PPL: variants seen among roughly 807,000 people sequenced by gnomAD.
PPL encodes periplakin.
PPL carries 198 observed loss-of-function variants against 194.4 expected under a neutral mutation model. The observed-to-expected ratio is 1.02, with a 90% CI of 0.91 to 1.15. The LOEUF (loss-of-function observed/expected upper bound fraction) is 1.15, where lower values mean the gene tolerates loss of function less well. Ranked by LOEUF, PPL falls within the 50% of genes most tolerant of loss-of-function variation. The probability of loss-of-function intolerance (pLI) is 0.00; values close to 1 mark genes in which losing one functional copy is unlikely to be tolerated. For synonymous variants in PPL, 1,220 were observed against 972.4 expected, an observed-to-expected ratio of 1.25 and a Z score of -4.74; for missense variants, 2,885 against 2,294.8, an observed-to-expected ratio of 1.26 and a Z score of -5.25.
intron 14 of PPL, chr16:4,892,655 C>T (rs2088342594): frequency 5.9e-6 from 1 of 168,604 alleles, no homozygotes; most frequent in Non-Finnish European, 1.3e-5. Flanking sequence ...CACTCTGAGG[C>T]CCCATCAGGG....
Position 4,903,982 on chromosome 16 carries a change from T to C in PPL, c.221A>G (p.Lys74Arg). 1 of 1,613,790 alleles carries C rather than the reference T, an allele frequency of 6.2e-7. No individual in the cohort carries two copies. The highest frequency in any genetic ancestry group is 8.5e-7 in the Non-Finnish European group (1 of 1,180,036). Residue 74 changes from lysine to arginine, a missense_variant, in exon 3 of 22, where the codon AAG becomes AGG. Physicochemically the swap from Lys to Arg is conservative, Grantham distance 26. Coordinates refer to ENST00000345988, the MANE Select transcript of PPL (RefSeq NM_002705.5). ...GAGCAGCTTCTCAGAGTCCAACACC[T>C]TCTGCAGGGTCACGTCCCGGTGCTC... ...QPEHRDVTLQ[K>R]VLDSEKLLYV...
intron 9 of PPL, among the ~76,000 whole-genome samples, chr16:4,897,283 C>A (rs537973740): frequency 1.7e-4 from 22 of 132,202 alleles, no homozygotes; most frequent in African/African-American, 6.6e-4. Flanking sequence ...TGTAGTGAGC[C>A]GAGATGGCAC....
rs2088170703 is a variant in PPL, at chr16:4,884,396, A to G, written c.4259T>C (p.Val1420Ala). ...RQARREAERE[V>A]QRLQQRLAAL... ...TGCCAGCCGCTGCTGCAACCGCTGT[A>G]CCTCGCGCTCGGCCTCCCTGCGGGC... The change falls in exon 22 of 22, where the codon GTA becomes GCA. Residue 1420 changes from valine (V) to alanine (A), a missense_variant. By Grantham distance (64) the Val-to-Ala change is moderately conservative. Transcript: ENST00000345988. The surrounding 1 kb of genome is among the most constrained non-coding windows in gnomAD (Gnocchi z 5.7). 6.2e-7 allele frequency: 1 copy of G among 1,609,182 alleles called. No individual in the cohort carries two copies. The highest frequency in any genetic ancestry group is 8.5e-7 in the Non-Finnish European group (1 of 1,179,176).
At chr16:4,913,626 T>C (rs74003581) in intron 1 of PPL, among the ~76,000 whole-genome samples, 2,677 of 152,290 alleles carry the variant, frequency 0.018, 77 homozygotes, top group African/African-American at 0.062. Flanking sequence ...CAACCTCCAC[T>C]TCTTGGGGTC....
At chr16:4,930,795 G>A (rs1470071057) in intron 1 of PPL, among the ~76,000 whole-genome samples, 1 of 152,246 alleles carries the variant, frequency 6.6e-6, no homozygotes, top group African/African-American at 2.4e-5. Context: ...GAATGGCAGA[G>A]GGAAAGGCCT....
In PPL at chr16:4,884,822, G is replaced by T; in HGVS notation, c.3833C>A (p.Ala1278Asp). 1.2e-6 allele frequency: 2 copies of T among 1,614,076 alleles called. No individual in the cohort carries two copies. Among genetic ancestry groups the T allele is most frequent in the South Asian group, 1.1e-5 (1 of 91,086 alleles). ...GACCTGGGGTTTGGTGTCTTTCAGG[G>T]CCTGGATTTCCTTTTTCAGCTGGTA... ...EIYQLKKEIQ[A>D]LKDTKPQVQT... The change falls in exon 22 of 22, where the codon GCC becomes GAC. Residue 1278 changes from alanine (A) to aspartate (D), a missense_variant. By Grantham distance (126) the Ala-to-Asp change is moderately radical. Transcript: ENST00000345988. The surrounding 1 kb of genome is among the most constrained non-coding windows in gnomAD (Gnocchi z 5.7).
chr16:4,884,796 G>T lies in PPL; in HGVS notation c.3859C>A (p.Gln1287Lys). 6.2e-7 allele frequency: 1 copy of T among 1,614,132 alleles called. No individual in the cohort carries two copies. Among genetic ancestry groups the T allele is most frequent in the Non-Finnish European group, 8.5e-7 (1 of 1,180,040 alleles). ...QALKDTKPQVQTKEVVQEILQ... is the reference protein window; with the variant it reads ...QALKDTKPQVKTKEVVQEILQ... Reference sequence around the variant, plus strand: ...ATCTCCTGGACCACCTCTTTGGTCTGGACCTGGGGTTTGGTGTCTTTCAGG... The same window carrying T: ...ATCTCCTGGACCACCTCTTTGGTCTTGACCTGGGGTTTGGTGTCTTTCAGG... Residue 1287 changes from glutamine (Q) to lysine (K), a missense_variant, in exon 22 of 22, where the codon CAG (glutamine) becomes AAG (lysine). Coordinates refer to ENST00000345988, the MANE Select transcript of PPL (RefSeq NM_002705.5). The surrounding 1 kb of genome is among the most constrained non-coding windows in gnomAD (Gnocchi z 5.7).
chr16:4,900,715 C>A, intron 6 of PPL, 115 bp downstream of exon 6: 7 of 1,431,856 alleles, frequency 4.9e-6, no homozygotes, highest in South Asian at 1.2e-5. Context: ...TAGGCGTGAG[C>A]CACCATGCCC....
At chr16:4,924,732 CT>C (rs1397428945) in intron 1 of PPL, among the ~76,000 whole-genome samples, 1 of 152,210 alleles carries the variant, frequency 6.6e-6, no homozygotes, top group Non-Finnish European at 1.5e-5. Context: ...GCAAGACACC[CT>C]TCCCCAGGTC....
At chr16:4,935,607 A>G (rs887852) in intron 1 of PPL, among the ~76,000 whole-genome samples, 84,503 of 152,014 alleles carry the variant, frequency 0.56, 26,899 homozygotes, top group Non-Finnish European at 0.69. Context: ...AAAGGCGGGT[A>G]ATGCCTCTGA....
At chr16:4,908,479 C>T (rs1256233038) in intron 2 of PPL, among the ~76,000 whole-genome samples, 1 of 151,748 alleles carries the variant, frequency 6.6e-6, no homozygotes, top group African/African-American at 2.4e-5. Flanking sequence ...CAGATATACA[C>T]CAATATGTTA....
rs1165970203 is a variant in PPL at position 4,890,299 on chromosome 16, T to C, written c.2198A>G (p.Glu733Gly). 3 of 1,613,908 alleles carry C rather than the reference T, an allele frequency of 1.9e-6. No homozygotes were observed. Among genetic ancestry groups the C allele is most frequent in the South Asian group, 2.2e-5 (2 of 91,080 alleles). ...QSLQSAKAAY[E>G]HFHRGHDHVL... The stretch of plus-strand genomic sequence containing the variant: ...GTGGTCATGGCCGCGGTGGAAGTGC[T>C]CGTAGGCTGCCTTGGCGCTCTGTAG... The change falls in exon 18 of 22, where the codon GAG becomes GGG. Residue 733 changes from glutamate to glycine, a missense_variant. Physicochemically the swap from Glu to Gly is moderately conservative, Grantham distance 98 (BLOSUM62 -2). Coordinates refer to ENST00000345988, the MANE Select transcript of PPL (RefSeq NM_002705.5).
chr16:4,889,070 C>CA lies in PPL; in HGVS notation c.2314-10dup, dbSNP rs746773940. 1 of 1,612,396 alleles carries CA rather than the reference C, an allele frequency of 6.2e-7. No homozygotes were observed. Among genetic ancestry groups the CA allele is most frequent in the African/African-American group, 1.3e-5 (1 of 74,826 alleles). ...ATCTCATCTAGCAGGTTCTGTAAGACAGAGTTTAAAAATCAAAACTAACCA... is the reference window on the plus strand; with the variant it reads ...ATCTCATCTAGCAGGTTCTGTAAGACAAGAGTTTAAAAATCAAAACTAACCA... On this transcript the variant is annotated splice_polypyrimidine_tract_variant and intron_variant, in intron 18 of 21. Coordinates refer to ENST00000345988, the MANE Select transcript of PPL (RefSeq NM_002705.5).
intron 14 of PPL, 56 bp downstream of exon 14, chr16:4,893,157 C>G (rs1486349244): frequency 1.4e-6 from 2 of 1,450,284 alleles, no homozygotes; most frequent in East Asian, 5.0e-5. Context: ...ATAGGGGCCC[C>G]AGGGGGCCAG....
chr16:4,885,660 G>A lies in PPL; in HGVS notation c.2995C>T (p.Arg999Cys), dbSNP rs770248656. 9.9e-6 allele frequency: 16 copies of A among 1,612,856 alleles called. No individual in the cohort carries two copies. The highest frequency in any genetic ancestry group is 6.7e-5 in the East Asian group (3 of 44,682). ...GCCTGGGCCCTGTCAGGCTCGATGC[G>A]CAGGACCTCCTTGACCACGTACTCC... ...GQEYVVKEVL[R>C]IEPDRAQADE... The change falls in exon 22 of 22, where the codon CGC becomes TGC. Residue 999 changes from arginine to cysteine, a missense_variant. Physicochemically the swap from Arg to Cys is radical, Grantham distance 180 (BLOSUM62 -3). Coordinates refer to ENST00000345988, the MANE Select transcript of PPL (RefSeq NM_002705.5). This position sits in a 1 kb window ranked among gnomAD's most constrained non-coding sequence, Gnocchi z 6.3.
intron 19 of PPL, 63 bp from the exon 20 acceptor site, chr16:4,888,281 C>T (rs1803672448): frequency 2.6e-6 from 3 of 1,170,408 alleles, no homozygotes; most frequent in South Asian, 1.2e-5. Flanking sequence ...CAGACATGTT[C>T]CTGTACCCCT....
In PPL at chr16:4,903,968, C is replaced by T. The variant is rs776592837; in HGVS notation, c.235G>A (p.Glu79Lys). 27 of 1,613,858 alleles carry T rather than the reference C, an allele frequency of 1.7e-5. No individual in the cohort carries two copies. In the South Asian group the frequency reaches 2.9e-4, roughly 17 times the overall value. ...GCCTCTAGCACATAGAGCAGCTTCTCAGAGTCCAACACCTTCTGCAGGGTC... is the reference window on the plus strand; with the variant it reads ...GCCTCTAGCACATAGAGCAGCTTCTTAGAGTCCAACACCTTCTGCAGGGTC... ...DVTLQKVLDS[E>K]KLLYVLEADA... The change falls in exon 3 of 22, where the codon GAG becomes AAG. Residue 79 changes from glutamate (E) to lysine (K), a missense_variant. Coordinates refer to ENST00000345988, the MANE Select transcript of PPL (RefSeq NM_002705.5).
In PPL at chr16:4,894,523, C is replaced by T. The variant is rs141007351; in HGVS notation, c.1338G>A (p.Pro446=). 172 of 1,613,954 alleles carry T rather than the reference C, an allele frequency of 1.1e-4. No homozygotes were observed. Among genetic ancestry groups the T allele is most frequent in the Admixed American group, 3.2e-4 (19 of 60,010 alleles). The part of the protein sequence containing the change: ...MDSAGNKLIA[P]AVCFVIPPTD... The stretch of plus-strand genomic sequence containing the variant: ...TGGGGGGGATCACAAAACACACGGC[C>T]GGAGCAATCAGCTTGTTCCCAGCGC... Residue 446 remains proline, a synonymous_variant, in exon 12 of 22, where the codon CCG becomes CCA. Transcript: ENST00000345988.
At chr16:4,917,302 G>A (rs1017706955) in intron 1 of PPL, among the ~76,000 whole-genome samples, 3 of 152,094 alleles carry the variant, frequency 2.0e-5, no homozygotes, top group Non-Finnish European at 1.5e-5. Flanking sequence ...TAAACCAAAC[G>A]TGGTCTATCT....
Sources: gnomAD v4.1 joint callset for allele counts (sites outside exome capture counted in the v4.1 genomes callset) on GRCh38, gnomAD v4.1.1 for gene constraint, Gnocchi (gnomAD v3.1) non-coding constraint, MANE v1.5 for transcripts, NCBI Gene and HGNC (gene_info 2026-07-23, HGNC 2026-07-21) for gene names.